Variants in FAM13A observed in about 807,000 individuals in gnomAD.
The protein encoded by FAM13A is family with sequence similarity 13 member A.
FAM13A carries 76 observed loss-of-function variants against 129.6 expected under a neutral mutation model. The observed-to-expected ratio is 0.59, with a 90% CI of 0.49 to 0.71. The LOEUF (loss-of-function observed/expected upper bound fraction) is 0.71. Among genes scored for constraint, FAM13A ranks in the 30% least tolerant of loss-of-function variants. The pLI, the probability that FAM13A is intolerant of heterozygous loss-of-function variation, is 0.00. For synonymous variants in FAM13A, 443 were observed against 449.9 expected (o/e 0.98, Z 0.20); for missense variants, 1,108 against 1,249.3 (o/e 0.89, Z 1.70).
At chr4:88,759,723 T>A (rs563799901) in intron 13 of FAM13A, among the ~76,000 whole-genome samples, 2 of 152,310 alleles carry the variant, frequency 1.3e-5, no homozygotes, top group African/African-American at 4.8e-5. Context: ...ATTAAATACT[T>A]GGCTACACTT....
intron 1 of FAM13A, among the ~76,000 whole-genome samples, chr4:89,050,448 C>CGAT (rs373721859): frequency 2.0e-4 from 30 of 152,088 alleles, no homozygotes; most frequent in African/African-American, 7.0e-4. Context: ...TTAAGTGATC[C>CGAT]ACCTGCATTG....
Position 88,843,878 on chromosome 4 carries a change from C to T in FAM13A, c.1007+7142G>A, listed in dbSNP as rs564216581. On this transcript the variant is annotated intron_variant, in intron 7 of 23. Transcript: ENST00000264344. ...AGCGATGATGTGGGGACAATGAGAG[C>T]GCACGGCTGTCCTGGCTTCTGTAGT... Among the ~76,000 whole-genome samples the T allele has an allele frequency of 4.8e-4, 73 of 152,244 alleles. No homozygotes were observed. In the South Asian group the frequency reaches 6.0e-3, roughly 13 times the overall value.
At chr4:88,820,967 C>T (rs1207854943) in intron 7 of FAM13A, among the ~76,000 whole-genome samples, 1 of 152,152 alleles carries the variant, frequency 6.6e-6, no homozygotes, top group Non-Finnish European at 1.5e-5. Context: ...CAGAATGGAA[C>T]AAAGCACTCC....
At chr4:88,912,512 C>T (rs372413068) in intron 5 of FAM13A, among the ~76,000 whole-genome samples, 20 of 151,664 alleles carry the variant, frequency 1.3e-4, no homozygotes, top group African/African-American at 4.6e-4. Context: ...CTTCAGCCTC[C>T]AAAATCATGT....
chr4:88,911,931 A>G (rs72665823), intron 5 of FAM13A, among the ~76,000 whole-genome samples: 18,545 of 152,162 alleles, frequency 0.12, 1,419 homozygotes, highest in Non-Finnish European at 0.16. Flanking sequence ...TCATTCTTCA[A>G]TGCCCTAAGA....
chr4:88,807,203 G>A (rs570800568), intron 7 of FAM13A, among the ~76,000 whole-genome samples: 3 of 152,144 alleles, frequency 2.0e-5, no homozygotes, highest in Non-Finnish European at 4.4e-5. Context: ...GTGCTTTTGA[G>A]AGATGATTTA....
chr4:89,042,493 T>G (rs17014966), intron 1 of FAM13A, among the ~76,000 whole-genome samples: 2,231 of 152,306 alleles, frequency 0.015, 60 homozygotes, highest in African/African-American at 0.051. Context: ...TTCGTAGATA[T>G]CTTATTCGTT....
intron 11 of FAM13A, among the ~76,000 whole-genome samples, chr4:88,776,665 T>C (rs1721778706): frequency 6.6e-6 from 1 of 152,168 alleles, no homozygotes; most frequent in Admixed American, 6.5e-5. Context: ...TATATGGTTT[T>C]TTTGATATTT....
chr4:88,730,521 GCTGGGATT>G (rs1737466501), intron 23 of FAM13A, among the ~76,000 whole-genome samples: 3 of 152,078 alleles, frequency 2.0e-5, no homozygotes, highest in African/African-American at 7.2e-5. Flanking sequence ...GCCTCGAGTA[GCTGGGATT>G]ACAGGCCTGT....
At chr4:88,943,563 C>T (rs577330803) in intron 4 of FAM13A, among the ~76,000 whole-genome samples, 14 of 152,190 alleles carry the variant, frequency 9.2e-5, no homozygotes, top group Non-Finnish European at 1.9e-4. Flanking sequence ...CAGTTAATTG[C>T]TTTATTCTGA....
chr4:89,048,585 A>T (rs1268340011), intron 1 of FAM13A, among the ~76,000 whole-genome samples: 1 of 152,222 alleles, frequency 6.6e-6, no homozygotes, highest in African/African-American at 2.4e-5. Flanking sequence ...TATGTAAGTT[A>T]TACCTCAAAA....
intron 7 of FAM13A, among the ~76,000 whole-genome samples, chr4:88,831,953 A>G (rs1324981625): frequency 1.3e-5 from 2 of 152,220 alleles, no homozygotes; most frequent in Non-Finnish European, 2.9e-5. Flanking sequence ...AAGCAAAAAG[A>G]ACAAAGCTGG....
intron 4 of FAM13A, 55 bp downstream of exon 4, chr4:88,990,918 T>C (rs1319083814): frequency 6.0e-6 from 8 of 1,329,924 alleles, no homozygotes; most frequent in Middle Eastern, 1.8e-4. Flanking sequence ...TTTCAGACAG[T>C]AGTAAACACA....
chr4:88,884,404 T>C (rs945980647), intron 6 of FAM13A, among the ~76,000 whole-genome samples: 1 of 152,112 alleles, frequency 6.6e-6, no homozygotes, highest in African/African-American at 2.4e-5. Context: ...AGAAATCACA[T>C]GATCAGCTCA....
chr4:88,755,484 G>A (rs989501996), intron 14 of FAM13A, among the ~76,000 whole-genome samples: 9 of 152,068 alleles, frequency 5.9e-5, no homozygotes, highest in Non-Finnish European at 7.3e-5. Flanking sequence ...CTAACTTGTC[G>A]CAAAGCTGAT....
At chr4:88,844,279 G>C (rs1736293644) in intron 7 of FAM13A, among the ~76,000 whole-genome samples, 1 of 152,122 alleles carries the variant, frequency 6.6e-6, no homozygotes, top group South Asian at 2.1e-4. Context: ...GTAGAAGTCA[G>C]GTAGGAAATA....
intron 6 of FAM13A, among the ~76,000 whole-genome samples, chr4:88,852,594 A>G (rs1737787198): frequency 6.6e-6 from 1 of 152,154 alleles, no homozygotes; most frequent in African/African-American, 2.4e-5. Flanking sequence ...TATGGTCTCA[A>G]TGGGTTCTCT....
chr4:88,871,495 G>A (rs2150077602), intron 6 of FAM13A, among the ~76,000 whole-genome samples: 1 of 152,310 alleles, frequency 6.6e-6, no homozygotes, highest in Middle Eastern at 3.4e-3. Flanking sequence ...ACTATGTGAT[G>A]CATGCACAAG....
chr4:88,932,796 T>C (rs1280687327), intron 5 of FAM13A, among the ~76,000 whole-genome samples: 4 of 152,206 alleles, frequency 2.6e-5, no homozygotes, highest in Non-Finnish European at 5.9e-5. Flanking sequence ...ATGTGGGCAC[T>C]TCCTTCGAAC....
Sources: gnomAD v4.1 joint callset for allele counts (sites outside exome capture counted in the v4.1 genomes callset) on GRCh38, gnomAD v4.1.1 for gene constraint, MANE v1.5 for transcripts, NCBI Gene and HGNC (gene_info 2026-07-23, HGNC 2026-07-21) for gene names.